Variants in NAA11 observed in about 807,000 individuals in gnomAD.
NAA11 encodes N-alpha-acetyltransferase 11.
NAA11 carries 15 observed loss-of-function variants against 16.1 expected under a neutral mutation model. The ratio of observed to expected loss-of-function variants is 0.93; its 90% CI spans 0.62 to 1.44. The LOEUF is 1.44. Among genes scored for constraint, NAA11 ranks in the 40% most tolerant of loss-of-function variants. The pLI is 0.00. For synonymous variants in NAA11, 122 were observed against 112.4 expected (o/e 1.09, Z -0.54); for missense variants, 298 against 291.3 (o/e 1.02, Z -0.17).
intron 2 of NAA11, among the ~76,000 whole-genome samples, chr4:79,279,939 G>A (rs1722747056): frequency 6.6e-6 from 1 of 152,020 alleles, no homozygotes; most frequent in Admixed American, 6.6e-5. Flanking sequence ...GATCTGTTCA[G>A]GGAGATGTGT....
intron 2 of NAA11, among the ~76,000 whole-genome samples, chr4:79,262,347 C>T (rs1005390327): frequency 1.3e-5 from 2 of 152,108 alleles, no homozygotes; most frequent in African/African-American, 4.8e-5. Flanking sequence ...ACAGGCTAAA[C>T]AAATATTGCA....
At chr4:79,273,012 T>G (rs935137027) in intron 2 of NAA11, among the ~76,000 whole-genome samples, 1 of 151,964 alleles carries the variant, frequency 6.6e-6, no homozygotes, top group Non-Finnish European at 1.5e-5. Context: ...TACATGGCAT[T>G]TGGCTTCCCT....
At chr4:79,234,319 C>G (rs1721527239) in intron 2 of NAA11, among the ~76,000 whole-genome samples, 1 of 152,010 alleles carries the variant, frequency 6.6e-6, no homozygotes, top group African/African-American at 2.4e-5. Flanking sequence ...ATCAATTTGC[C>G]CCTTGGCACA....
intron 2 of NAA11, among the ~76,000 whole-genome samples, chr4:79,289,312 A>G (rs1390723248): frequency 6.6e-6 from 1 of 152,256 alleles, no homozygotes. Flanking sequence ...TTCAGGATAA[A>G]TGGAAGGCAA....
intron 2 of NAA11, among the ~76,000 whole-genome samples, chr4:79,254,639 CCTTTT>C (rs199598854): frequency 0.015 from 2,126 of 141,976 alleles, 38 homozygotes; most frequent in African/African-American, 0.05. Flanking sequence ...AAGGATTTGT[CCTTTT>C]CTTTTTTTTT....
At chr4:79,265,731 C>T (rs1560434037) in intron 2 of NAA11, among the ~76,000 whole-genome samples, 1 of 151,836 alleles carries the variant, frequency 6.6e-6, no homozygotes, top group Non-Finnish European at 1.5e-5. Flanking sequence ...ACTGATCTGC[C>T]CTGCCTCACT....
At chr4:79,262,785 C>T (rs1722268675) in intron 2 of NAA11, among the ~76,000 whole-genome samples, 3 of 152,058 alleles carry the variant, frequency 2.0e-5, no homozygotes, top group Non-Finnish European at 4.4e-5. Context: ...TAAATGTGTT[C>T]TAAAGGGCAT....
At chr4:79,309,445 T>TC (rs1279989130) in intron 1 of NAA11, among the ~76,000 whole-genome samples, 2 of 152,202 alleles carry the variant, frequency 1.3e-5, no homozygotes, top group African/African-American at 4.8e-5. Context: ...TCCCTGGTAA[T>TC]CATCATGTTT....
the NAA11 span, among the ~76,000 whole-genome samples, chr4:79,216,194 G>T: frequency 1.8e-4 from 28 of 152,036 alleles, no homozygotes; most frequent in African/African-American, 6.8e-4. Context: ...ATTGTGTACT[G>T]TAGAAAAGTT....
chr4:79,309,699 GTGTT>G (rs1242368651), intron 1 of NAA11, among the ~76,000 whole-genome samples: 2 of 139,470 alleles, frequency 1.4e-5, no homozygotes, highest in Non-Finnish European at 3.1e-5. Flanking sequence ...TATTCTATTG[GTGTT>G]TTTTTTTTTT....
the NAA11 span, among the ~76,000 whole-genome samples, chr4:79,198,183 G>A: frequency 6.6e-6 from 1 of 152,016 alleles, no homozygotes; most frequent in East Asian, 1.9e-4. Flanking sequence ...GAGTGTGGAA[G>A]AAGCAAGAAA....
At chr4:79,216,039 C>G in the NAA11 span, among the ~76,000 whole-genome samples, 94 of 152,172 alleles carry the variant, frequency 6.2e-4, no homozygotes, top group East Asian at 0.016. Flanking sequence ...GTACTCTGTT[C>G]TATTCTTTAT....
the NAA11 span, among the ~76,000 whole-genome samples, chr4:79,193,485 C>T: frequency 1.3e-5 from 2 of 152,264 alleles, no homozygotes; most frequent in South Asian, 2.1e-4. Context: ...AATAGGGAAT[C>T]GTTTCCCCAT....
Position 79,325,849 on chromosome 4 carries a change from T to C in NAA11, c.29A>G (p.Asp10Gly). The stretch of plus-strand genomic sequence containing the variant: ...GTTGCAGTGTTGCATATTCATCAGG[T>C]CGTCTGGCTGAGCGTTGCGGATGTT... Reference protein sequence around the residue: MNIRNAQPDDLMNMQHCNLL... With the variant: MNIRNAQPDGLMNMQHCNLL... Residue 10 changes from aspartate (D) to glycine (G), a missense_variant, in exon 1 of 2, where the codon GAC becomes GGC. Physicochemically the swap from Asp to Gly is moderately conservative, Grantham distance 94. Coordinates refer to ENST00000286794, the MANE Select transcript of NAA11 (RefSeq NM_032693.3). 6.2e-7 allele frequency: 1 copy of C among 1,613,160 alleles called. No homozygotes were observed. The highest frequency in any genetic ancestry group is 1.1e-5 in the South Asian group (1 of 90,952).
chr4:79,226,607 G>A (rs1024541593), intron 2 of NAA11, among the ~76,000 whole-genome samples: 7 of 127,732 alleles, frequency 5.5e-5, no homozygotes, highest in Non-Finnish European at 1.1e-4. Flanking sequence ...GGCACCAGTG[G>A]GTGATGTTCC....
intron 2 of NAA11, among the ~76,000 whole-genome samples, chr4:79,255,037 C>T (rs1005304141): frequency 6.6e-6 from 1 of 151,992 alleles, no homozygotes; most frequent in African/African-American, 2.4e-5. Flanking sequence ...AAGAATCTCC[C>T]AAAATGTAGA....
chr4:79,228,394 T>A (rs747772694), intron 2 of NAA11, among the ~76,000 whole-genome samples: 1 of 151,996 alleles, frequency 6.6e-6, no homozygotes, highest in African/African-American at 2.4e-5. Flanking sequence ...GGTGCACAGT[T>A]CTATTTGTTT....
intron 2 of NAA11, among the ~76,000 whole-genome samples, chr4:79,246,220 A>G (rs1173913616): frequency 1.3e-5 from 2 of 152,182 alleles, no homozygotes; most frequent in Admixed American, 1.3e-4. Context: ...TCAAGTACCC[A>G]GGGACACAAA....
the NAA11 span, among the ~76,000 whole-genome samples, chr4:79,204,569 T>G: frequency 6.8e-6 from 1 of 147,740 alleles, no homozygotes; most frequent in Non-Finnish European, 1.5e-5. Flanking sequence ...CTTCTCTCCT[T>G]CTACTTTTAT....
Sources: gnomAD v4.1 joint callset for allele counts (sites outside exome capture counted in the v4.1 genomes callset) on GRCh38, gnomAD v4.1.1 for gene constraint, MANE v1.5 for transcripts, NCBI Gene and HGNC (gene_info 2026-07-23, HGNC 2026-07-21) for gene names.